NRG1: variants seen among roughly 807,000 people sequenced by gnomAD.
The protein encoded by NRG1 is pro-neuregulin-1, membrane-bound isoform.
In NRG1, 18 loss-of-function variants were observed where a neutral mutation model predicts 63.8. The observed-to-expected ratio is 0.28, with a 90% CI of 0.19 to 0.42. NRG1 has a LOEUF of 0.42. NRG1 is among the 10% of genes least tolerant of loss of function. NRG1 has a pLI of 1.00. For synonymous variants in NRG1, 302 were observed against 301.3 expected (o/e 1.00, Z -0.02); for missense variants, 762 against 814.7 (o/e 0.94, Z 0.79).
chr8:32,700,891 C>T (rs958662183), intron 5 of NRG1, among the ~76,000 whole-genome samples: 11 of 152,120 alleles, frequency 7.2e-5, no homozygotes, highest in African/African-American at 2.7e-4. Context: ...AGACCCTTGT[C>T]ACACTGACCT....
intron 1 of NRG1, among the ~76,000 whole-genome samples, chr8:32,570,556 A>G (rs1476599253): frequency 6.6e-6 from 1 of 152,186 alleles, no homozygotes; most frequent in African/African-American, 2.4e-5. Flanking sequence ...ATCAGAAAAA[A>G]TTTAAATGGT....
At chr8:32,042,747 A>T (rs1820274507) in intron 1 of NRG1, among the ~76,000 whole-genome samples, 1 of 150,426 alleles carries the variant, frequency 6.6e-6, no homozygotes. Flanking sequence ...AAAACACAAT[A>T]ACTCAATTAA....
chr8:31,869,077 C>G lies in NRG1; in HGVS notation c.37+229646C>G, dbSNP rs540054641. On this transcript the variant is annotated intron_variant, in intron 1 of 10. Coordinates refer to the NRG1 transcript ENST00000519301. ...TTAAATTAGCTTAAAATGATAAGAG[C>G]AAACACATATCTTTGATGATAAGGC... Among the ~76,000 whole-genome samples the G allele has an allele frequency of 2.6e-5, 4 of 152,266 alleles. No homozygotes were observed. In the East Asian group the frequency reaches 5.8e-4, roughly 22 times the overall value.
At chr8:31,870,302 A>C (rs1314276531) in intron 1 of NRG1, among the ~76,000 whole-genome samples, 1 of 152,214 alleles carries the variant, frequency 6.6e-6, no homozygotes, top group Non-Finnish European at 1.5e-5. Flanking sequence ...CATAATCAGA[A>C]GGTAAGGAAC....
chr8:32,292,385 G>A (rs1481258135), intron 1 of NRG1, among the ~76,000 whole-genome samples: 1 of 152,108 alleles, frequency 6.6e-6, no homozygotes, highest in Admixed American at 6.5e-5. Flanking sequence ...TGTGGTTGGT[G>A]ATATGAAGAA....
At chr8:32,399,891 G>A (rs567138321) in intron 1 of NRG1, among the ~76,000 whole-genome samples, 4 of 152,180 alleles carry the variant, frequency 2.6e-5, no homozygotes, top group Non-Finnish European at 5.9e-5. Flanking sequence ...GGTTTGGAAA[G>A]AGAAAAGCTG....
intron 1 of NRG1, among the ~76,000 whole-genome samples, chr8:32,124,431 G>T (rs1833843264): frequency 6.6e-6 from 1 of 151,728 alleles, no homozygotes; most frequent in Non-Finnish European, 1.5e-5. Flanking sequence ...AACAAACAGT[G>T]AACTCACCAT....
intron 1 of NRG1, among the ~76,000 whole-genome samples, chr8:32,389,125 A>G (rs1243616585): frequency 6.6e-6 from 1 of 152,172 alleles, no homozygotes; most frequent in East Asian, 1.9e-4. Context: ...CCAGCACATC[A>G]TTGCAACCTT....
chr8:32,625,575 A>G (rs1031571778), intron 5 of NRG1, among the ~76,000 whole-genome samples: 6 of 152,238 alleles, frequency 3.9e-5, no homozygotes, highest in Middle Eastern at 3.2e-3. Flanking sequence ...CACAAATTTA[A>G]TCAGTCTTTC....
intron 1 of NRG1, among the ~76,000 whole-genome samples, chr8:32,365,993 T>C (rs1807924692): frequency 6.6e-6 from 1 of 152,210 alleles, no homozygotes; most frequent in South Asian, 2.1e-4. Flanking sequence ...ACTAATTTGG[T>C]TACTATAGCT....
intron 1 of NRG1, among the ~76,000 whole-genome samples, chr8:31,849,026 C>T (rs981132346): frequency 1.3e-5 from 2 of 152,148 alleles, no homozygotes; most frequent in African/African-American, 4.8e-5. Flanking sequence ...CTTTAATAGA[C>T]TCAGAGGCAT....
exon 12 of NRG1, chr8:32,764,031 A>C: frequency 6.2e-7 from 1 of 1,614,044 alleles, no homozygotes; most frequent in Non-Finnish European, 8.5e-7. Flanking sequence ...TAGCCCCTTG[A>C]GGATAGTGGA....
intron 1 of NRG1, among the ~76,000 whole-genome samples, chr8:31,786,912 G>A (rs1196605266): frequency 3.3e-5 from 5 of 151,860 alleles, no homozygotes; most frequent in Non-Finnish European, 5.9e-5. Context: ...TTAAACCATC[G>A]GACCCTGGTA....
chr8:31,816,030 T>C (rs919628743), intron 1 of NRG1, among the ~76,000 whole-genome samples: 4 of 152,334 alleles, frequency 2.6e-5, no homozygotes, highest in Admixed American at 1.3e-4. Context: ...TGTTGTTGAA[T>C]TTTAGGAGTT....
intron 5 of NRG1, among the ~76,000 whole-genome samples, chr8:32,673,773 G>A (rs764059): frequency 0.81 from 122,736 of 152,134 alleles, 50,959 homozygotes; most frequent in East Asian, 1. Flanking sequence ...TGAATTGTGC[G>A]GTCAGCTAGA....
chr8:32,337,652 G>A (rs1182446652), intron 1 of NRG1, among the ~76,000 whole-genome samples: 1 of 5,942 alleles, frequency 1.7e-4, no homozygotes, highest in Non-Finnish European at 3.0e-4. Flanking sequence ...AAGAGTTATT[G>A]CAAAAAAAAA....
At chr8:32,363,389 C>A (rs1485727954) in intron 1 of NRG1, among the ~76,000 whole-genome samples, 1 of 152,196 alleles carries the variant, frequency 6.6e-6, no homozygotes, top group Non-Finnish European at 1.5e-5. Context: ...TCTGATAACT[C>A]ATACCTGAAG....
In NRG1 at chr8:32,246,656, C is replaced by T. The variant is rs563818897; in HGVS notation, c.38-349172C>T. The stretch of plus-strand genomic sequence containing the variant: ...ATTACTTTGAAAAATCATTTTCAAA[C>T]GTGAAAGATGTAAGGAGTGTTTATC... On this transcript the variant is annotated intron_variant, in intron 1 of 10. Coordinates refer to the NRG1 transcript ENST00000519301. Among the ~76,000 whole-genome samples, 21 of 152,146 alleles carry T rather than the reference C, an allele frequency of 1.4e-4. No individual in the cohort carries two copies. The South Asian group carries it at 4.4e-3, about 32-fold the overall frequency.
At chr8:31,749,153 A>G (rs1328943080) in intron 1 of NRG1, among the ~76,000 whole-genome samples, 7 of 151,880 alleles carry the variant, frequency 4.6e-5, no homozygotes, top group Admixed American at 1.3e-4. Context: ...AGAAAATTCA[A>G]GTTGAAAGTA....
Sources: allele counts gnomAD v4.1 joint callset (sites outside exome capture counted in the v4.1 genomes callset), GRCh38; gene constraint gnomAD v4.1.1; transcripts MANE v1.5; gene names NCBI Gene and HGNC (gene_info 2026-07-23, HGNC 2026-07-21).